The following ARHGEF9 variants were observed in gnomAD, a reference collection of about 807,000 sequenced individuals.
The protein encoded by ARHGEF9 is rho guanine nucleotide exchange factor 9.
Under a neutral mutation model 41.3 loss-of-function variants are expected in ARHGEF9, and 2 were observed. The ratio of observed to expected loss-of-function variants is 0.05; its 90% CI spans 0.02 to 0.15. The LOEUF is 0.15. ARHGEF9 is among the 10% of genes least tolerant of loss of function. The probability of loss-of-function intolerance (pLI) is 1.00; values close to 1 mark genes in which losing one functional copy is unlikely to be tolerated. For missense variants in ARHGEF9, 225 were observed against 424.7 expected, an observed-to-expected ratio of 0.53 and a Z score of 4.13; for synonymous variants, 160 against 154.4, an observed-to-expected ratio of 1.04 and a Z score of -0.27.
At chrX:63,713,348 G>C (rs1556408088) in intron 2 of ARHGEF9, among the ~76,000 whole-genome samples, 1 of 109,992 alleles carries the variant, frequency 9.1e-6, no homozygotes, top group Non-Finnish European at 1.9e-5. Context: ...AAACTCCCTT[G>C]ACAACATACC....
Position 63,730,167 on chromosome X carries a change from C to G in ARHGEF9, c.31-5456G>C, listed in dbSNP as rs1256474497. Among the ~76,000 whole-genome samples the G allele has an allele frequency of 8.1e-5, 9 of 111,399 alleles. No individual in the cohort carries two copies. The Admixed American group carries it at 8.6e-4, about 11-fold the overall frequency. Reference sequence around the variant, plus strand: ...GGAACAGAAGAAGAAATGGGAAAGACAGAAGGAAAGTAAAAGAGTTATAAA... The same window carrying G: ...GGAACAGAAGAAGAAATGGGAAAGAGAGAAGGAAAGTAAAAGAGTTATAAA... On this transcript the variant is annotated intron_variant, in intron 1 of 9. Transcript: ENST00000671741.
At chrX:63,684,593 A>T (rs1556373326) in intron 4 of ARHGEF9, among the ~76,000 whole-genome samples, 1 of 111,515 alleles carries the variant, frequency 9.0e-6, no homozygotes, top group African/African-American at 3.3e-5. Context: ...TCATTGCAGT[A>T]CTATTAACAA....
chrX:63,673,977 G>A (rs1384632011), intron 6 of ARHGEF9, 61 bp downstream of exon 6: 5 of 1,185,615 alleles, frequency 4.2e-6, no homozygotes, highest in Non-Finnish European at 5.7e-6. Flanking sequence ...CCTTAGCTAA[G>A]ATGGGAAGCT....
At chrX:63,717,590 T>C in intron 2 of ARHGEF9, among the ~76,000 whole-genome samples, 1 of 112,248 alleles carries the variant, frequency 8.9e-6, no homozygotes, top group Non-Finnish European at 1.9e-5. Context: ...AGATCTCTGA[T>C]GGGCTATAGA....
intron 1 of ARHGEF9, among the ~76,000 whole-genome samples, chrX:63,739,377 G>T (rs181595634): frequency 4.5e-5 from 5 of 111,792 alleles, no homozygotes. Flanking sequence ...GACAATCAGC[G>T]TGTCTCTCTT....
At chrX:63,638,626 A>G in intron 9 of ARHGEF9, 1 of 308,941 alleles carries the variant, frequency 3.2e-6, no homozygotes, top group East Asian at 4.6e-5. Flanking sequence ...TCCTGCAAAG[A>G]ACCCAACAAA....
At chrX:63,747,020 G>T (rs781860251) in intron 1 of ARHGEF9, among the ~76,000 whole-genome samples, 1 of 111,999 alleles carries the variant, frequency 8.9e-6, no homozygotes, top group Non-Finnish European at 1.9e-5. Context: ...AGGCAAAACT[G>T]CTATCCTTAA....
chrX:63,639,762 C>T (rs1224731204), intron 9 of ARHGEF9: 3 of 112,378 alleles, frequency 2.7e-5, no homozygotes, highest in African/African-American at 9.7e-5. Context: ...TATACATACA[C>T]AGTGGAATAT....
At chrX:63,677,424 C>T (rs1180925176) in intron 5 of ARHGEF9, among the ~76,000 whole-genome samples, 1 of 111,984 alleles carries the variant, frequency 8.9e-6, no homozygotes, top group Non-Finnish European at 1.9e-5. Flanking sequence ...CCTATCTGAA[C>T]ACCTATCTTA....
At chrX:63,670,212 T>A (rs1602322136) in intron 6 of ARHGEF9, 1 of 111,875 alleles carries the variant, frequency 8.9e-6, no homozygotes, top group Admixed American at 9.5e-5. Flanking sequence ...TTAACTAGTT[T>A]ATTTTCAATG....
chrX:63,685,001 G>A (rs2050894991), intron 4 of ARHGEF9, among the ~76,000 whole-genome samples: 1 of 110,273 alleles, frequency 9.1e-6, no homozygotes, highest in East Asian at 2.8e-4. Context: ...GAAGATATAA[G>A]TCAAAGGGCA....
intron 8 of ARHGEF9, among the ~76,000 whole-genome samples, chrX:63,651,945 T>G (rs782594894): frequency 4.5e-5 from 5 of 111,038 alleles, no homozygotes; most frequent in African/African-American, 1.6e-4. Flanking sequence ...AATTTACTAG[T>G]TGAGAAATGG....
intron 7 of ARHGEF9, among the ~76,000 whole-genome samples, chrX:63,659,102 T>C (rs1358607268): frequency 1.8e-5 from 2 of 112,752 alleles, no homozygotes; most frequent in Non-Finnish European, 1.9e-5. Context: ...TCACAGCTTT[T>C]AGTTTGCCTG....
intron 4 of ARHGEF9, among the ~76,000 whole-genome samples, chrX:63,692,078 C>T (rs190945190): frequency 6.3e-5 from 7 of 111,805 alleles, no homozygotes; most frequent in African/African-American, 1.3e-4. Context: ...ACGACTTAAA[C>T]GTAAGACTTG....
chrX:63,724,552 A>G lies in ARHGEF9; in HGVS notation c.190T>C (p.Phe64Leu). The G allele has an allele frequency of 8.3e-7, 1 of 1,211,086 alleles. No homozygotes were observed. Among genetic ancestry groups the G allele is most frequent in the Non-Finnish European group, 1.1e-6 (1 of 895,398 alleles). Residue 64 changes from phenylalanine (F) to leucine (L), a missense_variant, in exon 2 of 10, where the codon TTT (phenylalanine) becomes CTT (leucine). By Grantham distance (22) the Phe-to-Leu change is conservative. Around this residue, in one of 3 missense-constraint regions of ARHGEF9, gnomAD observed 114 missense variants for 197.9 expected, o/e 0.58. Coordinates refer to ENST00000671741, the MANE Select transcript of ARHGEF9 (RefSeq NM_001353921.2). ...WGQIDDEEGW[F>L]PASFVRLWVN... ...CTCACCCTCACAAAGCTGGCAGGAAACCATCCCTCCTCATCGTCGATCTGG... is the reference window on the plus strand; with the variant it reads ...CTCACCCTCACAAAGCTGGCAGGAAGCCATCCCTCCTCATCGTCGATCTGG...
chrX:63,635,385 C>T lies in ARHGEF9; in HGVS notation c.*2643G>A. 1 of 521,856 alleles carries T rather than the reference C, an allele frequency of 1.9e-6. No individual in the cohort carries two copies. The highest frequency in any genetic ancestry group is 3.5e-6 in the Non-Finnish European group (1 of 285,802). The allele number at this position is 521,856 out of a possible 1,213,427, so 43.0% of individuals were successfully genotyped here. On this transcript the variant is annotated 3_prime_UTR_variant, in exon 10 of 10. Coordinates refer to ENST00000671741, the MANE Select transcript of ARHGEF9 (RefSeq NM_001353921.2). ...AGCCTTTTGGAGAGCAAATCCTGGC[C>T]TCACTGAGTTGAGGAAAAGGGAGCT...
intron 9 of ARHGEF9, chrX:63,642,535 A>T (rs1405332162): frequency 8.9e-6 from 1 of 112,110 alleles, no homozygotes; most frequent in Admixed American, 9.5e-5. Flanking sequence ...GCCTCCCAAG[A>T]GCAAGAAGTA....
chrX:63,722,411 T>G (rs2053682117), intron 2 of ARHGEF9, among the ~76,000 whole-genome samples: 1 of 90,137 alleles, frequency 1.1e-5, no homozygotes. Context: ...TTGTTTTTTG[T>G]TTTTTTTTTT....
rs113913751 is a variant in ARHGEF9, at chrX:63,656,061, G to T, written c.1078-324C>A. 0.01 allele frequency among the ~76,000 whole-genome samples: 1,121 copies of T among 111,735 alleles called. 10 individuals are homozygous for T. Among genetic ancestry groups the T allele is most frequent in the African/African-American group, 0.034 (1,053 of 30,791 alleles). On this transcript the variant is annotated intron_variant, in intron 7 of 9. Transcript: ENST00000671741. ...CGGCTAGCAAGGGCTTCTCCTTTTC[G>T]AAAACATCAGCAAGCCCACTAGAGG... is the stretch of plus-strand genomic sequence containing the variant.
Sources: allele counts gnomAD v4.1 joint callset (sites outside exome capture counted in the v4.1 genomes callset), GRCh38; gene constraint gnomAD v4.1.1; regional missense constraint gnomAD v4.1.1; transcripts MANE v1.5; gene names NCBI Gene and HGNC (gene_info 2026-07-23, HGNC 2026-07-21).